Variants in PTPRK observed in about 807,000 individuals in gnomAD.
PTPRK encodes the protein receptor-type tyrosine-protein phosphatase kappa.
In PTPRK, 75 loss-of-function variants were observed where a neutral mutation model predicts 178.0. The ratio of observed to expected loss-of-function variants is 0.42; its 90% CI spans 0.35 to 0.51. PTPRK has a LOEUF of 0.51. Among genes scored for constraint, PTPRK ranks in the 20% least tolerant of loss-of-function variants. The probability of loss-of-function intolerance (pLI) is 0.02; values close to 1 mark genes in which losing one functional copy is unlikely to be tolerated. For missense variants in PTPRK, 1,441 were observed against 1,797.8 expected (o/e 0.80, Z 3.59); for synonymous variants, 637 against 620.6 (o/e 1.03, Z -0.39).
At chr6:128,185,694 C>A (rs1802642818) in intron 6 of PTPRK, among the ~76,000 whole-genome samples, 1 of 152,034 alleles carries the variant, frequency 6.6e-6, no homozygotes, top group Non-Finnish European at 1.5e-5. Flanking sequence ...AGAGTTGGAG[C>A]AAATCACATA....
At chr6:128,242,864 GAATAGGCAATA>G (rs1434661971) in intron 3 of PTPRK, among the ~76,000 whole-genome samples, 1 of 152,160 alleles carries the variant, frequency 6.6e-6, no homozygotes, top group African/African-American at 2.4e-5. Context: ...TATATATCCT[GAATAGGCAATA>G]TATAGGCAGA....
intron 7 of PTPRK, among the ~76,000 whole-genome samples, chr6:128,182,394 G>A (rs1802053252): frequency 6.6e-6 from 1 of 152,038 alleles, no homozygotes; most frequent in African/African-American, 2.4e-5. Context: ...TGGGCAACAT[G>A]GTGAAACCCA....
At chr6:128,390,274 T>C (rs1839370962) in intron 2 of PTPRK, among the ~76,000 whole-genome samples, 1 of 152,154 alleles carries the variant, frequency 6.6e-6, no homozygotes. Context: ...TTCTAAAGGT[T>C]TGCTTAAACA....
Position 128,243,657 on chromosome 6 carries a change from G to A in PTPRK, c.496-1055C>T, listed in dbSNP as rs529801185. ...TGCAGTGAGGTAGGATGACACCACC[G>A]CACTCCAGCCTGAGCGACAGAGCAA... On this transcript the variant is annotated intron_variant, in intron 3 of 29. Coordinates refer to ENST00000368226, the MANE Select transcript of PTPRK (RefSeq NM_002844.4). 4.0e-5 allele frequency among the ~76,000 whole-genome samples: 6 copies of A among 151,760 alleles called. No homozygotes were observed. The South Asian group carries it at 1.3e-3, about 32-fold the overall frequency.
At chr6:128,194,394 C>G (rs1362078351) in intron 6 of PTPRK, among the ~76,000 whole-genome samples, 1 of 152,012 alleles carries the variant, frequency 6.6e-6, no homozygotes, top group Non-Finnish European at 1.5e-5. Flanking sequence ...CCAATTATAG[C>G]AATAATTTTA....
At chr6:128,143,225 C>T (rs1796026760) in intron 7 of PTPRK, among the ~76,000 whole-genome samples, 1 of 151,994 alleles carries the variant, frequency 6.6e-6, no homozygotes, top group Non-Finnish European at 1.5e-5. Flanking sequence ...TCAGCAACTC[C>T]CCACCCTTTC....
Position 128,208,506 on chromosome 6 carries a change from G to C in PTPRK, c.868+10416C>G, listed in dbSNP as rs1222046462. Among the ~76,000 whole-genome samples, 3 of 152,162 alleles carry C rather than the reference G, an allele frequency of 2.0e-5. No individual in the cohort carries two copies. The South Asian group carries it at 6.2e-4, about 32-fold the overall frequency. On this transcript the variant is annotated intron_variant, in intron 6 of 29. Coordinates refer to ENST00000368226, the MANE Select transcript of PTPRK (RefSeq NM_002844.4). ...TAACCGACAACCAAAATACAGTCAG[G>C]AATCTACATGAAGCAGTGGGGGATA... is the stretch of plus-strand genomic sequence containing the variant.
intron 7 of PTPRK, among the ~76,000 whole-genome samples, chr6:128,150,801 G>A (rs1011373885): frequency 1.3e-5 from 2 of 151,982 alleles, no homozygotes; most frequent in Non-Finnish European, 2.9e-5. Context: ...ACAGACCTGG[G>A]GAAATTTATT....
At chr6:128,092,413 TTAA>T (rs1455784583) in intron 7 of PTPRK, among the ~76,000 whole-genome samples, 3 of 152,158 alleles carry the variant, frequency 2.0e-5, no homozygotes, top group Non-Finnish European at 4.4e-5. Flanking sequence ...CTGCGTGGAA[TTAA>T]TAACTCAGAG....
At chr6:128,507,575 A>G (rs2128441149) in intron 1 of PTPRK, among the ~76,000 whole-genome samples, 1 of 152,248 alleles carries the variant, frequency 6.6e-6, no homozygotes, top group East Asian at 1.9e-4. Flanking sequence ...TCTGCCAGCC[A>G]CTGGTCTCCC....
intron 7 of PTPRK, among the ~76,000 whole-genome samples, chr6:128,103,118 G>C (rs1789067126): frequency 6.6e-6 from 1 of 152,116 alleles, no homozygotes; most frequent in Non-Finnish European, 1.5e-5. Flanking sequence ...CAGAAGAGTG[G>C]AGCGGCAGAG....
chr6:128,047,027 T>C (rs1778140953), intron 13 of PTPRK, among the ~76,000 whole-genome samples: 1 of 152,172 alleles, frequency 6.6e-6, no homozygotes, highest in Non-Finnish European at 1.5e-5. Context: ...AAAATTAAGA[T>C]TATGAAGAAA....
chr6:128,018,262 A>C (rs1477470875), intron 13 of PTPRK, among the ~76,000 whole-genome samples: 1 of 152,092 alleles, frequency 6.6e-6, no homozygotes, highest in Non-Finnish European at 1.5e-5. Context: ...AAATGCTCAT[A>C]ATTTGTCAAG....
At chr6:127,988,127 T>C (rs1036788552) in intron 21 of PTPRK, among the ~76,000 whole-genome samples, 1 of 151,962 alleles carries the variant, frequency 6.6e-6, no homozygotes, top group African/African-American at 2.4e-5. Context: ...CAATATCTTA[T>C]TTTGAATTTT....
chr6:128,058,662 TTTTGTTTAGCATA>T (rs1346680955), intron 13 of PTPRK, among the ~76,000 whole-genome samples: 1 of 152,102 alleles, frequency 6.6e-6, no homozygotes, highest in African/African-American at 2.4e-5. Flanking sequence ...ATTTATTCCT[TTTTGTTTAGCATA>T]TTTCTATCTC....
intron 13 of PTPRK, among the ~76,000 whole-genome samples, chr6:128,029,433 T>C (rs1774895319): frequency 6.6e-6 from 1 of 151,736 alleles, no homozygotes; most frequent in African/African-American, 2.4e-5. Flanking sequence ...CTGAGGCAGG[T>C]GGATCATTTG....
intron 1 of PTPRK, among the ~76,000 whole-genome samples, chr6:128,427,457 C>A (rs1015951007): frequency 2.0e-5 from 3 of 152,178 alleles, no homozygotes; most frequent in Non-Finnish European, 2.9e-5. Context: ...TATCAATAAG[C>A]ACACTTCTTT....
At chr6:128,067,940 G>C (rs1582832790) in intron 11 of PTPRK, 148 bp from the exon 12 acceptor site, 2 of 674,556 alleles carry the variant, frequency 3.0e-6, no homozygotes, top group East Asian at 3.2e-5. Context: ...ACTCTTTTCA[G>C]CTATTTCGCA....
chr6:128,520,503 C>T lies in PTPRK; in HGVS notation c.-145G>A, dbSNP rs62426793. 0.082 allele frequency: 59,915 copies of T among 729,506 alleles called. 2,917 individuals are homozygous for T. Among genetic ancestry groups the T allele is most frequent in the Non-Finnish European group, 0.1 (44,512 of 440,112 alleles). The allele number at this position is 729,506 out of a possible 1,614,324, so 45.2% of individuals were successfully genotyped here. On this transcript the variant is annotated 5_prime_UTR_variant, in exon 1 of 30. Coordinates refer to ENST00000368226, the MANE Select transcript of PTPRK (RefSeq NM_002844.4). The stretch of plus-strand genomic sequence containing the variant: ...CCCGCCCGCCCTTTTTCCTTCTTCG[C>T]GGTCGCCAAACTACCTCAGGGGCGA...
Sources: allele counts gnomAD v4.1 joint callset (sites outside exome capture counted in the v4.1 genomes callset), GRCh38; gene constraint gnomAD v4.1.1; transcripts MANE v1.5; gene names NCBI Gene and HGNC (gene_info 2026-07-23, HGNC 2026-07-21).